The following NTRK3 variants were observed in gnomAD, a reference collection of about 807,000 sequenced individuals.
The protein encoded by NTRK3 is neurotrophic receptor tyrosine kinase 3.
Under a neutral mutation model 91.7 loss-of-function variants are expected in NTRK3, and 24 were observed. That is an observed-to-expected ratio of 0.26 (90% confidence interval 0.19 to 0.37). The LOEUF (loss-of-function observed/expected upper bound fraction) is 0.37. Ranked by LOEUF, NTRK3 falls within the 10% of genes least tolerant of loss-of-function variation. NTRK3 has a pLI of 1.00. For synonymous variants in NTRK3, 483 were observed against 404.0 expected (o/e 1.20, Z -2.34); for missense variants, 880 against 1,068.9 (o/e 0.82, Z 2.46).
At chr15:87,969,182 G>C (rs1173559465) in intron 14 of NTRK3, among the ~76,000 whole-genome samples, 2 of 152,108 alleles carry the variant, frequency 1.3e-5, no homozygotes. Flanking sequence ...ATGGCCAATT[G>C]GTGCCCAGGC....
chr15:88,137,675 G>A, intron 6 of NTRK3, 114 bp from the exon 7 acceptor site: 1 of 1,020,870 alleles, frequency 9.8e-7, no homozygotes, highest in Middle Eastern at 2.3e-4. Context: ...GGGGAGAAGG[G>A]ATTTAACAAG....
intron 17 of NTRK3, among the ~76,000 whole-genome samples, chr15:87,907,079 T>A (rs1301671550): frequency 6.6e-6 from 1 of 152,156 alleles, no homozygotes; most frequent in Non-Finnish European, 1.5e-5. Context: ...GGGTCCAACT[T>A]TAGACAATCA....
intron 3 of NTRK3, among the ~76,000 whole-genome samples, chr15:88,216,666 G>A (rs766358955): frequency 1.1e-4 from 16 of 152,182 alleles, no homozygotes; most frequent in Non-Finnish European, 2.4e-4. Flanking sequence ...CCTCCATGAG[G>A]CACATCCCCT....
intron 13 of NTRK3, among the ~76,000 whole-genome samples, chr15:88,082,341 G>C (rs73447342): frequency 0.05 from 7,552 of 151,566 alleles, 626 homozygotes; most frequent in African/African-American, 0.17. Flanking sequence ...CAGCGGGGAA[G>C]AAGAGAGAAT....
chr15:87,875,024 A>C, exon 19 of NTRK3: 1 of 230,696 alleles, frequency 4.3e-6, no homozygotes, highest in East Asian at 6.2e-5. Flanking sequence ...GCTCTTTACT[A>C]TTCAAATAAA....
intron 13 of NTRK3, among the ~76,000 whole-genome samples, chr15:88,062,169 C>T (rs988025912): frequency 2.6e-5 from 4 of 152,084 alleles, no homozygotes; most frequent in Admixed American, 2.0e-4. Flanking sequence ...ACATCAGGGA[C>T]TTGAGCATCC....
exon 8 of NTRK3, chr15:88,136,577 G>A (rs2151211499): frequency 1.9e-6 from 3 of 1,613,584 alleles, no homozygotes; most frequent in Non-Finnish European, 2.5e-6. Context: ...CGTACGGTCA[G>A]GTTGACGTGG....
At chr15:87,909,599 T>C (rs1385429253) in intron 17 of NTRK3, among the ~76,000 whole-genome samples, 1 of 152,034 alleles carries the variant, frequency 6.6e-6, no homozygotes, top group South Asian at 2.1e-4. Flanking sequence ...GATGGGCAGT[T>C]GGGAAGAGAA....
intron 13 of NTRK3, among the ~76,000 whole-genome samples, chr15:88,074,993 C>G (rs1334739760): frequency 6.6e-6 from 1 of 152,218 alleles, no homozygotes; most frequent in Non-Finnish European, 1.5e-5. Context: ...CAATTCCACT[C>G]CACGATTCCT....
At chr15:87,951,713 C>G (rs917204044) in intron 14 of NTRK3, among the ~76,000 whole-genome samples, 1 of 152,294 alleles carries the variant, frequency 6.6e-6, no homozygotes, top group African/African-American at 2.4e-5. Flanking sequence ...GCAGAAGGCT[C>G]AGACACCAGA....
chr15:87,959,447 G>A (rs1206282475), intron 14 of NTRK3, among the ~76,000 whole-genome samples: 1 of 152,178 alleles, frequency 6.6e-6, no homozygotes, highest in African/African-American at 2.4e-5. Flanking sequence ...CAACTGAGAT[G>A]GCTGCAGCTT....
intron 14 of NTRK3, among the ~76,000 whole-genome samples, chr15:87,966,973 C>T (rs377060446): frequency 2.0e-5 from 3 of 152,134 alleles, no homozygotes; most frequent in Admixed American, 6.5e-5. Flanking sequence ...GTTGTCACAA[C>T]CAAAAATGTC....
At chr15:88,138,036 C>T (rs186321123) in intron 6 of NTRK3, among the ~76,000 whole-genome samples, 11 of 150,490 alleles carry the variant, frequency 7.3e-5, no homozygotes, top group African/African-American at 1.5e-4. Context: ...GGCAACAGAG[C>T]GAGATTCCGT....
At chr15:87,894,947 T>C (rs2066036202) in intron 17 of NTRK3, among the ~76,000 whole-genome samples, 1 of 152,204 alleles carries the variant, frequency 6.6e-6, no homozygotes, top group African/African-American at 2.4e-5. Flanking sequence ...CATATCTCTT[T>C]GGTGGTTCAT....
At chr15:88,210,919 G>A (rs1447303343) in intron 3 of NTRK3, among the ~76,000 whole-genome samples, 1 of 152,094 alleles carries the variant, frequency 6.6e-6, no homozygotes, top group East Asian at 1.9e-4. Flanking sequence ...CTGTGACCCA[G>A]AGCAGTGAGA....
intron 13 of NTRK3, among the ~76,000 whole-genome samples, chr15:88,043,534 G>T (rs1003187321): frequency 6.6e-6 from 1 of 152,198 alleles, no homozygotes; most frequent in East Asian, 1.9e-4. Flanking sequence ...ATGTTGAACT[G>T]CTACAGTCCT....
At chr15:88,105,818 G>T (rs1000542451) in intron 13 of NTRK3, among the ~76,000 whole-genome samples, 2 of 152,090 alleles carry the variant, frequency 1.3e-5, no homozygotes, top group Non-Finnish European at 2.9e-5. Context: ...TGTGCCAAAT[G>T]CTTTCCATAT....
At chr15:88,007,286 C>A (rs185554286) in intron 14 of NTRK3, among the ~76,000 whole-genome samples, 4 of 152,190 alleles carry the variant, frequency 2.6e-5, no homozygotes, top group Non-Finnish European at 5.9e-5. Context: ...AACCAGTAGT[C>A]GGCAGGGTGG....
rs2066633499 is a variant in NTRK3 at position 87,904,381 on chromosome 15, C to A, written c.2134-23953G>T. ...CCATGTTGGACAAGATGGTCTTGATCTCCTGACCTCATGATCCATCCGCCT... is the reference window on the plus strand; with the variant it reads ...CCATGTTGGACAAGATGGTCTTGATATCCTGACCTCATGATCCATCCGCCT... On this transcript the variant is annotated intron_variant, in intron 17 of 18. Coordinates refer to ENST00000394480, the Ensembl canonical transcript of NTRK3. Among the ~76,000 whole-genome samples, 3 of 152,110 alleles carry A rather than the reference C, an allele frequency of 2.0e-5. No homozygotes were observed. The South Asian group carries it at 6.2e-4, about 31-fold the overall frequency.
Sources: allele counts gnomAD v4.1 joint callset (sites outside exome capture counted in the v4.1 genomes callset), GRCh38; gene constraint gnomAD v4.1.1; transcripts MANE v1.5; gene names NCBI Gene and HGNC (gene_info 2026-07-23, HGNC 2026-07-21).